SOX6: variants seen among roughly 807,000 people sequenced by gnomAD.
SOX6 encodes the protein SRY-box transcription factor 6, also known as transcription factor SOX-6.
In SOX6, 11 loss-of-function variants were observed where a neutral mutation model predicts 97.8. That is an observed-to-expected ratio of 0.11 (90% CI 0.07 to 0.19). SOX6 has a LOEUF of 0.19. Among genes scored for constraint, SOX6 ranks in the 10% least tolerant of loss-of-function variants. The pLI is 1.00. For missense variants in SOX6, 810 were observed against 1,039.5 expected, an observed-to-expected ratio of 0.78 and a Z score of 3.04; for synonymous variants, 360 against 371.4, an observed-to-expected ratio of 0.97 and a Z score of 0.35.
chr11:16,159,101 T>C (rs1415545376), intron 6 of SOX6, among the ~76,000 whole-genome samples: 1 of 152,100 alleles, frequency 6.6e-6, no homozygotes, highest in Non-Finnish European at 1.5e-5. Context: ...CCAATGATAC[T>C]ACAGAAATAA....
At position 16,381,648 on chromosome 11, in the gene SOX6, T is replaced by C. The variant is rs78603268; in HGVS notation, c.-4-40396A>G. On this transcript the variant is annotated intron_variant, in intron 1 of 15. Transcript: ENST00000396356. ...ATTCTTCATGAAAATATGCATAATATAGTCAGTTTCATTCTTTTTCTCTCC... is the reference window on the plus strand; with the variant it reads ...ATTCTTCATGAAAATATGCATAATACAGTCAGTTTCATTCTTTTTCTCTCC... 5.6e-3 allele frequency among the ~76,000 whole-genome samples: 845 copies of C among 152,134 alleles called. 9 individuals carry two copies. Among genetic ancestry groups the C allele is most frequent in the African/African-American group, 0.019 (810 of 41,552 alleles).
intron 1 of SOX6, among the ~76,000 whole-genome samples, chr11:16,474,599 T>C (rs899905640): frequency 1.3e-5 from 2 of 152,172 alleles, no homozygotes; most frequent in African/African-American, 2.4e-5. Flanking sequence ...TTCTGAGTAG[T>C]ATGTCTCAAC....
At chr11:16,600,534 C>T (rs1006772922) in intron 4 of SOX6, among the ~76,000 whole-genome samples, 27 of 152,112 alleles carry the variant, frequency 1.8e-4, no homozygotes, top group African/African-American at 6.3e-4. Flanking sequence ...TTTTTTGGAG[C>T]TGAGAGAGTC....
intron 3 of SOX6, among the ~76,000 whole-genome samples, chr11:16,680,691 A>AGT (rs964218071): frequency 6.6e-6 from 1 of 152,190 alleles, no homozygotes; most frequent in Non-Finnish European, 1.5e-5. Context: ...AAGACCCACC[A>AGT]GTGTACTGTA....
At position 16,183,950 on chromosome 11, in the gene SOX6, G is replaced by C. The variant is rs762512018; in HGVS notation, c.713C>G (p.Ala238Gly). The change falls in exon 6 of 16, where the codon GCG becomes GGG. Residue 238 changes from alanine to glycine, a missense_variant. Ala to Gly is a moderately conservative substitution (Grantham distance 60). Around this residue, in one of 9 missense-constraint regions of SOX6, gnomAD observed 110 missense variants for 119.0 expected, o/e 0.92. Coordinates refer to ENST00000683767, the MANE Select transcript of SOX6 (RefSeq NM_001367873.1). ...TTGCAGAAGTTGCTGCTGTTGTCTC[G>C]CAATCTATCAGAAATAAAGTTTCAT... ...DLARQQQEQI[A>G]RQQQQLLQQQ... 2 of 1,611,646 alleles carry C rather than the reference G, an allele frequency of 1.2e-6. No homozygotes were observed. Among genetic ancestry groups the C allele is most frequent in the Non-Finnish European group, 1.7e-6 (2 of 1,178,334 alleles).
At chr11:16,302,729 C>T (rs1203186742) in intron 3 of SOX6, among the ~76,000 whole-genome samples, 2 of 151,802 alleles carry the variant, frequency 1.3e-5, no homozygotes, top group African/African-American at 4.8e-5. Flanking sequence ...GCCACCACAC[C>T]CAACTAATTT....
intron 9 of SOX6, among the ~76,000 whole-genome samples, chr11:16,063,152 T>C (rs777608167): frequency 6.6e-6 from 1 of 151,484 alleles, no homozygotes; most frequent in African/African-American, 2.4e-5. Context: ...AATCCACAAA[T>C]AAATACTTCT....
intron 1 of SOX6, among the ~76,000 whole-genome samples, chr11:16,470,613 T>C (rs1261046038): frequency 2.0e-5 from 3 of 152,140 alleles, no homozygotes; most frequent in Non-Finnish European, 2.9e-5. Context: ...CGACTTAGTC[T>C]ATCTCAAAAT....
intron 2 of SOX6, among the ~76,000 whole-genome samples, chr11:16,730,641 C>T (rs921808892): frequency 1.3e-5 from 2 of 152,072 alleles, no homozygotes; most frequent in Admixed American, 1.3e-4. Context: ...CAAGAGAAAG[C>T]AGGAAAGATC....
chr11:16,605,162 C>T lies in SOX6; in HGVS notation n.609+6919G>A, dbSNP rs145182310. On this transcript the variant is annotated intron_variant and non_coding_transcript_variant, in intron 4 of 5. Coordinates refer to the SOX6 transcript ENST00000524520. The surrounding 1 kb of genome is among the most constrained non-coding windows in gnomAD (Gnocchi z 5.3). ...GAGCAGCGGACCGCGGCCCCGGCTGCAGAGGAACGGCGGGTGGCGGGGCCC... is the reference window on the plus strand; with the variant it reads ...GAGCAGCGGACCGCGGCCCCGGCTGTAGAGGAACGGCGGGTGGCGGGGCCC... Among the ~76,000 whole-genome samples, 1,296 of 152,036 alleles carry T rather than the reference C, an allele frequency of 8.5e-3. 9 individuals are homozygous for T. Among genetic ancestry groups the T allele is most frequent in the Non-Finnish European group, 0.014 (921 of 67,942 alleles).
chr11:16,650,105 C>T (rs1390339293), intron 3 of SOX6, among the ~76,000 whole-genome samples: 2 of 152,060 alleles, frequency 1.3e-5, no homozygotes, highest in African/African-American at 2.4e-5. Flanking sequence ...TACATATGCA[C>T]CTAACACTAG....
chr11:16,246,345 A>C (rs548452295), intron 3 of SOX6, among the ~76,000 whole-genome samples: 24 of 151,660 alleles, frequency 1.6e-4, no homozygotes, highest in Non-Finnish European at 1.0e-4. Context: ...ATTTACAGTA[A>C]CCTTCATTAC....
At chr11:16,306,371 G>A (rs950996390) in intron 3 of SOX6, among the ~76,000 whole-genome samples, 3 of 152,148 alleles carry the variant, frequency 2.0e-5, no homozygotes, top group African/African-American at 7.2e-5. Flanking sequence ...GTACAGGTTT[G>A]AGTATTAATA....
intron 4 of SOX6, among the ~76,000 whole-genome samples, chr11:16,563,489 G>T (rs1039261933): frequency 3.3e-5 from 5 of 152,034 alleles, no homozygotes; most frequent in African/African-American, 1.2e-4. Flanking sequence ...AAGCTCAATA[G>T]AAGGGCTCAA....
chr11:16,725,213 T>A (rs971980217), intron 2 of SOX6, among the ~76,000 whole-genome samples: 3 of 152,208 alleles, frequency 2.0e-5, no homozygotes, highest in African/African-American at 7.2e-5. Context: ...CATTCAACAA[T>A]ATAAGTGAAC....
intron 1 of SOX6, among the ~76,000 whole-genome samples, chr11:16,377,895 C>T (rs1422125598): frequency 6.6e-6 from 1 of 152,134 alleles, no homozygotes; most frequent in East Asian, 1.9e-4. Flanking sequence ...GACAAATAAG[C>T]TGATCAAAAC....
At chr11:16,638,325 T>G (rs2134001647) in intron 3 of SOX6, among the ~76,000 whole-genome samples, 1 of 152,260 alleles carries the variant, frequency 6.6e-6, no homozygotes, top group South Asian at 2.1e-4. Context: ...TTTGGGTTGG[T>G]TCCAATTCTT....
rs1263942623 is a variant in SOX6, at chr11:16,613,721, C to G, written n.430-1461G>C. Among the ~76,000 whole-genome samples the G allele has an allele frequency of 6.6e-6, 1 of 152,224 alleles. No individual in the cohort carries two copies. The highest frequency in any genetic ancestry group is 2.4e-5 in the African/African-American group (1 of 41,470). ...AACGGAAGTCCCTTTACAGTCAATTCAGCCCGCTCCAGAGCATCGGGGAAA... is the reference window on the plus strand; with the variant it reads ...AACGGAAGTCCCTTTACAGTCAATTGAGCCCGCTCCAGAGCATCGGGGAAA... On this transcript the variant is annotated intron_variant and non_coding_transcript_variant, in intron 3 of 5. Transcript: ENST00000524520. The surrounding 1 kb of genome is among the most constrained non-coding windows in gnomAD (Gnocchi z 4.6).
At chr11:16,094,780 A>G (rs1469272206) in intron 9 of SOX6, among the ~76,000 whole-genome samples, 1 of 151,890 alleles carries the variant, frequency 6.6e-6, no homozygotes, top group Admixed American at 6.6e-5. Context: ...TTCTGAAAGT[A>G]TGTGTCTAAT....
Sources: gnomAD v4.1 joint callset for allele counts (sites outside exome capture counted in the v4.1 genomes callset) on GRCh38, gnomAD v4.1.1 for gene constraint, gnomAD v4.1.1 regional missense constraint, Gnocchi (gnomAD v3.1) non-coding constraint, MANE v1.5 for transcripts, NCBI Gene and HGNC (gene_info 2026-07-23, HGNC 2026-07-21) for gene names.